AUH: variants seen among roughly 807,000 people sequenced by gnomAD.
AUH encodes AU RNA binding methylglutaconyl-CoA hydratase, also known as methylglutaconyl-CoA hydratase, mitochondrial.
A neutral mutation model predicts 42.3 loss-of-function variants in AUH; 29 were observed. That is an observed-to-expected ratio of 0.69 (90% CI 0.51 to 0.93). AUH has a LOEUF of 0.93. Among genes scored for constraint, AUH ranks in the 40% least tolerant of loss-of-function variants. The pLI is 0.00. For missense variants in AUH, 452 were observed against 438.1 expected, an observed-to-expected ratio of 1.03 and a Z score of -0.28; for synonymous variants, 174 against 166.4, an observed-to-expected ratio of 1.05 and a Z score of -0.35.
intron 3 of AUH, 51 bp from the exon 4 acceptor site, chr9:91,325,455 A>C: frequency 6.6e-7 from 1 of 1,510,502 alleles, no homozygotes; most frequent in Non-Finnish European, 9.2e-7. Flanking sequence ...CAAAATTTTA[A>C]GGCAAAGAAT....
intron 6 of AUH, among the ~76,000 whole-genome samples, chr9:91,274,360 T>G (rs1050878973): frequency 6.6e-6 from 1 of 152,206 alleles, no homozygotes; most frequent in Non-Finnish European, 1.5e-5. Flanking sequence ...AGTGTTATGA[T>G]GACACATCAA....
At chr9:91,315,297 G>A (rs1187437377) in intron 4 of AUH, among the ~76,000 whole-genome samples, 1 of 152,170 alleles carries the variant, frequency 6.6e-6, no homozygotes, top group Non-Finnish European at 1.5e-5. Flanking sequence ...TCCTGCTCTG[G>A]CTGCCATTTG....
At chr9:91,297,772 A>C (rs1827464956) in intron 5 of AUH, among the ~76,000 whole-genome samples, 1 of 151,966 alleles carries the variant, frequency 6.6e-6, no homozygotes, top group Non-Finnish European at 1.5e-5. Flanking sequence ...CCTAAGATTC[A>C]AACTCAGTTC....
At chr9:91,333,432 T>C (rs1446882279) in intron 3 of AUH, among the ~76,000 whole-genome samples, 1 of 152,214 alleles carries the variant, frequency 6.6e-6, no homozygotes, top group African/African-American at 2.4e-5. Flanking sequence ...TTCTTCTGGA[T>C]TGAATTTTCA....
At chr9:91,252,255 G>A (rs1008191179) in intron 6 of AUH, among the ~76,000 whole-genome samples, 17 of 151,896 alleles carry the variant, frequency 1.1e-4, no homozygotes, top group African/African-American at 3.9e-4. Flanking sequence ...TTGAGCCACC[G>A]CAGCCGGCCG....
chr9:91,295,614 AG>A (rs1827262968), intron 6 of AUH, among the ~76,000 whole-genome samples: 1 of 152,204 alleles, frequency 6.6e-6, no homozygotes, highest in African/African-American at 2.4e-5. Flanking sequence ...CTCAACATCA[AG>A]GCAAAACCCT....
chr9:91,345,832 C>CAA lies in AUH; in HGVS notation c.418+10049_418+10050dup, dbSNP rs57372374. Among the ~76,000 whole-genome samples, 189 of 93,646 alleles carry CAA rather than the reference C, an allele frequency of 2.0e-3. 1 individual carries two copies. Among genetic ancestry groups the CAA allele is most frequent in the East Asian group, 8.1e-3 (27 of 3,330 alleles). 61.4% of individuals were successfully genotyped at this position (93,646 alleles called of 152,430 possible). On this transcript the variant is annotated intron_variant, in intron 3 of 9. Coordinates refer to ENST00000375731, the MANE Select transcript of AUH (RefSeq NM_001698.3). Reference sequence around the variant, plus strand: ...TGGGTGACAGAGTGAGACTCCATCGCAAAAAAAAAAAAAAAAAAGTACCCA... The same window carrying CAA: ...TGGGTGACAGAGTGAGACTCCATCGCAAAAAAAAAAAAAAAAAAAAGTACCCA...
chr9:91,243,496 A>G (rs1039783151), intron 6 of AUH, among the ~76,000 whole-genome samples: 1 of 152,236 alleles, frequency 6.6e-6, no homozygotes, highest in African/African-American at 2.4e-5. Flanking sequence ...GGAAGGGTGC[A>G]CAACACTCTG....
In AUH at chr9:91,214,205, T is replaced by C; in HGVS notation, c.*143A>G. 1.4e-6 allele frequency: 1 copy of C among 727,086 alleles called. No homozygotes were observed. The highest frequency in any genetic ancestry group is 2.8e-5 in the East Asian group (1 of 36,324). 45.0% of individuals were successfully genotyped at this position (727,086 alleles called of 1,614,324 possible). On this transcript the variant is annotated 3_prime_UTR_variant, in exon 10 of 10. Transcript: ENST00000375731. ...GAATGAAGTACACGGATGGGTCCATTCCAGATGCTTATTACACCGTATGAA... is the reference window on the plus strand; with the variant it reads ...GAATGAAGTACACGGATGGGTCCATCCCAGATGCTTATTACACCGTATGAA...
At chr9:91,324,636 T>C (rs1829843419) in intron 4 of AUH, among the ~76,000 whole-genome samples, 1 of 150,922 alleles carries the variant, frequency 6.6e-6, no homozygotes, top group African/African-American at 2.4e-5. Flanking sequence ...TGTTGAGTTT[T>C]TTTTTTTTTA....
Position 91,361,689 on chromosome 9 carries a change from G to A in AUH, c.201C>T (p.Tyr67=). Residue 67 remains tyrosine, a synonymous_variant, in exon 1 of 10, where the codon TAC becomes TAT. Coordinates refer to ENST00000375731, the MANE Select transcript of AUH (RefSeq NM_001698.3). The stretch of plus-strand genomic sequence containing the variant: ...CGTCCTCCGTCTTCATCTCAGAGCT[G>A]TAGCCCCTTTTCGGGGCGGGACCCC... The part of the protein sequence containing the change: ...AAGGPAPKRG[Y]SSEMKTEDEL... The A allele has an allele frequency of 6.4e-7, 1 of 1,571,430 alleles. No individual in the cohort carries two copies. The highest frequency in any genetic ancestry group is 2.3e-5 in the East Asian group (1 of 42,758).
chr9:91,218,526 G>T, intron 7 of AUH: 1 of 768,078 alleles, frequency 1.3e-6, no homozygotes, highest in Non-Finnish European at 1.6e-6. Flanking sequence ...TCTGAGATGG[G>T]CCTGAGATTC....
At chr9:91,306,574 T>A (rs745782743) in intron 4 of AUH, among the ~76,000 whole-genome samples, 25 of 152,346 alleles carry the variant, frequency 1.6e-4, no homozygotes, top group Middle Eastern at 3.4e-3. Flanking sequence ...AGGATTAGCA[T>A]CACCTGTAAG....
At chr9:91,288,217 G>C (rs912227993) in intron 6 of AUH, among the ~76,000 whole-genome samples, 1 of 152,010 alleles carries the variant, frequency 6.6e-6, no homozygotes, top group African/African-American at 2.4e-5. Context: ...AACAAAGAGC[G>C]GGAATTAGAA....
intron 6 of AUH, among the ~76,000 whole-genome samples, chr9:91,279,836 C>T (rs1278798511): frequency 2.0e-5 from 3 of 152,188 alleles, no homozygotes; most frequent in Admixed American, 1.3e-4. Context: ...GCTACTTATT[C>T]GACTCCACAG....
intron 6 of AUH, among the ~76,000 whole-genome samples, chr9:91,291,322 T>C (rs542835360): frequency 2.0e-5 from 3 of 151,446 alleles, no homozygotes; most frequent in African/African-American, 7.3e-5. Flanking sequence ...GGGGTGGGGG[T>C]GGAGGCGGCA....
At chr9:91,315,350 A>G (rs1486998371) in intron 4 of AUH, among the ~76,000 whole-genome samples, 3 of 152,302 alleles carry the variant, frequency 2.0e-5, no homozygotes, top group Admixed American at 6.5e-5. Flanking sequence ...TCAAATGCGC[A>G]TGTGCCTGTT....
At chr9:91,359,868 T>C (rs76862757) in intron 1 of AUH, among the ~76,000 whole-genome samples, 38 of 152,352 alleles carry the variant, frequency 2.5e-4, no homozygotes, top group African/African-American at 8.9e-4. Context: ...GCACTGCTTA[T>C]TGCTGGTTCA....
rs1277675689 is a variant in AUH at position 91,289,960 on chromosome 9, T to C, written c.655+6061A>G. Among the ~76,000 whole-genome samples the C allele has an allele frequency of 7.9e-5, 12 of 152,168 alleles. No homozygotes were observed. In the East Asian group the frequency reaches 2.3e-3, roughly 29 times the overall value. On this transcript the variant is annotated intron_variant, in intron 6 of 9. Coordinates refer to ENST00000375731, the MANE Select transcript of AUH (RefSeq NM_001698.3). Reference sequence around the variant, plus strand: ...GTAGACCAAAAATTCTGTGCATCTCTTATCTAAATGTGAATACTATTGAAA... The same window carrying C: ...GTAGACCAAAAATTCTGTGCATCTCCTATCTAAATGTGAATACTATTGAAA...
Sources: gnomAD v4.1 joint callset for allele counts (sites outside exome capture counted in the v4.1 genomes callset) on GRCh38, gnomAD v4.1.1 for gene constraint, MANE v1.5 for transcripts, NCBI Gene and HGNC (gene_info 2026-07-23, HGNC 2026-07-21) for gene names.